PRKCA: variants seen among roughly 807,000 people sequenced by gnomAD.
The protein encoded by PRKCA is protein kinase C alpha type.
A neutral mutation model predicts 87.0 loss-of-function variants in PRKCA; 27 were observed. The observed-to-expected ratio is 0.31, with a 90% CI of 0.23 to 0.43. The LOEUF (loss-of-function observed/expected upper bound fraction) is 0.43, where lower values mean the gene tolerates loss of function less well. PRKCA is among the 20% of genes least tolerant of loss of function. The pLI is 1.00. For missense variants in PRKCA, 518 were observed against 852.3 expected, an observed-to-expected ratio of 0.61 and a Z score of 4.88; for synonymous variants, 329 against 311.1, an observed-to-expected ratio of 1.06 and a Z score of -0.61.
intron 3 of PRKCA, among the ~76,000 whole-genome samples, chr17:66,537,881 C>G (rs891035254): frequency 1.3e-5 from 2 of 152,170 alleles, no homozygotes; most frequent in African/African-American, 2.4e-5. Flanking sequence ...TCTCGGCTCA[C>G]TGCAATCTCC....
intron 3 of PRKCA, among the ~76,000 whole-genome samples, chr17:66,530,767 C>T (rs571901771): frequency 2.6e-4 from 39 of 152,306 alleles, no homozygotes; most frequent in Middle Eastern, 6.8e-3. Flanking sequence ...GGTTTCTGCG[C>T]AGTGCCCCTG....
chr17:66,713,930 C>G, intron 8 of PRKCA, among the ~76,000 whole-genome samples: 1 of 152,176 alleles, frequency 6.6e-6, no homozygotes, highest in East Asian at 1.9e-4. Context: ...AGGCAGGACA[C>G]AGCCATAGTC....
chr17:66,684,511 G>C (rs535289074), intron 5 of PRKCA, among the ~76,000 whole-genome samples: 10 of 152,312 alleles, frequency 6.6e-5, no homozygotes, highest in Admixed American at 4.6e-4. Context: ...GCTGTGATAA[G>C]AAATTGAAAT....
chr17:66,709,034 G>A (rs574110583), intron 8 of PRKCA, among the ~76,000 whole-genome samples: 4 of 152,254 alleles, frequency 2.6e-5, no homozygotes, highest in South Asian at 4.1e-4. Flanking sequence ...CTCATGATTT[G>A]ACTAGTTTCT....
chr17:66,380,490 A>T (rs1231473251), intron 2 of PRKCA, among the ~76,000 whole-genome samples: 1 of 152,246 alleles, frequency 6.6e-6, no homozygotes, highest in African/African-American at 2.4e-5. Context: ...TAAACTGCTT[A>T]CTGTTATTAA....
At position 66,803,781 on chromosome 17, in the gene PRKCA, G is replaced by A; in HGVS notation, c.1855-92G>A. On this transcript the variant is annotated intron_variant, in intron 16 of 16. Coordinates refer to ENST00000413366, the MANE Select transcript of PRKCA (RefSeq NM_002737.3). This position sits in a 1 kb window ranked among gnomAD's most constrained non-coding sequence, Gnocchi z 4.4. The stretch of plus-strand genomic sequence containing the variant: ...TCCTAACCAGCCCGGAGTTCCCCAG[G>A]GCCGTGCCCCTCCCCAGAGAGGGCC... 2 of 1,537,290 alleles carry A rather than the reference G, an allele frequency of 1.3e-6. No individual in the cohort carries two copies. The highest frequency in any genetic ancestry group is 1.8e-6 in the Non-Finnish European group (2 of 1,137,958).
At chr17:66,788,567 GT>G (rs1975456790) in intron 15 of PRKCA, among the ~76,000 whole-genome samples, 1 of 152,004 alleles carries the variant, frequency 6.6e-6, no homozygotes, top group South Asian at 2.1e-4. Flanking sequence ...TGAGATGTCT[GT>G]TTAAATTCTT....
chr17:66,354,054 CA>C (rs1166309782), intron 2 of PRKCA, among the ~76,000 whole-genome samples: 1 of 152,170 alleles, frequency 6.6e-6, no homozygotes, highest in Middle Eastern at 3.2e-3. Flanking sequence ...CAGATTCCTT[CA>C]AATAAGTTTG....
chr17:66,456,742 C>A (rs1280930098), intron 2 of PRKCA, among the ~76,000 whole-genome samples: 2 of 152,184 alleles, frequency 1.3e-5, no homozygotes, highest in South Asian at 4.1e-4. Flanking sequence ...ACTGGCTTCC[C>A]AGATGGTGTC....
intron 2 of PRKCA, among the ~76,000 whole-genome samples, chr17:66,407,548 T>A (rs1911489437): frequency 6.6e-6 from 1 of 152,200 alleles, no homozygotes; most frequent in Non-Finnish European, 1.5e-5. Flanking sequence ...CACAGGTATT[T>A]CTTTACAGCA....
chr17:66,303,627 A>C (rs1346232756), intron 1 of PRKCA, among the ~76,000 whole-genome samples: 1 of 152,062 alleles, frequency 6.6e-6, no homozygotes. Flanking sequence ...AGAGAGAGAG[A>C]GAGCAAACTG....
chr17:66,331,821 C>T (rs910895892), intron 2 of PRKCA, among the ~76,000 whole-genome samples: 1 of 152,184 alleles, frequency 6.6e-6, no homozygotes, highest in African/African-American at 2.4e-5. Flanking sequence ...TCTGTATTAT[C>T]TTTGTTTCTG....
At chr17:66,781,321 G>A (rs749332856) in intron 14 of PRKCA, among the ~76,000 whole-genome samples, 6 of 152,258 alleles carry the variant, frequency 3.9e-5, no homozygotes, top group South Asian at 2.1e-4. Flanking sequence ...GGCTGGAAGC[G>A]CAGGTACAAG....
At chr17:66,352,625 G>A (rs113343806) in intron 2 of PRKCA, among the ~76,000 whole-genome samples, 11 of 145,170 alleles carry the variant, frequency 7.6e-5, no homozygotes, top group African/African-American at 1.8e-4. Flanking sequence ...GTGCAGTGGC[G>A]CAATCTCAGC....
At chr17:66,496,363 G>C (rs1179384482) in intron 3 of PRKCA, 80 bp downstream of exon 3, 1 of 1,232,016 alleles carries the variant, frequency 8.1e-7, no homozygotes, top group Non-Finnish European at 1.2e-6. Context: ...GCAACTGTTA[G>C]TTTTGGCACT....
intron 2 of PRKCA, among the ~76,000 whole-genome samples, chr17:66,469,095 G>A (rs1023216071): frequency 2.0e-5 from 3 of 152,194 alleles, no homozygotes; most frequent in Admixed American, 1.3e-4. Flanking sequence ...AAATGCAAAC[G>A]AGGCTCCATG....
chr17:66,412,657 G>C (rs1377061755), intron 2 of PRKCA: 1 of 152,180 alleles, frequency 6.6e-6, no homozygotes, highest in Non-Finnish European at 1.5e-5. Context: ...TCCTTCCTTT[G>C]TGAATTTCCC....
intron 5 of PRKCA, among the ~76,000 whole-genome samples, chr17:66,685,778 C>T (rs757814656): frequency 2.6e-5 from 4 of 152,226 alleles, no homozygotes; most frequent in Non-Finnish European, 4.4e-5. Flanking sequence ...AACTCCAGTG[C>T]CTTCTTCTCA....
At chr17:66,746,046 C>G (rs1047863091) in intron 13 of PRKCA, among the ~76,000 whole-genome samples, 1 of 151,632 alleles carries the variant, frequency 6.6e-6, no homozygotes, top group Non-Finnish European at 1.5e-5. Flanking sequence ...TACTGACCAG[C>G]AGGAATGAAA....
Sources: gnomAD v4.1 joint callset for allele counts (sites outside exome capture counted in the v4.1 genomes callset) on GRCh38, gnomAD v4.1.1 for gene constraint, Gnocchi (gnomAD v3.1) non-coding constraint, MANE v1.5 for transcripts, NCBI Gene and HGNC (gene_info 2026-07-23, HGNC 2026-07-21) for gene names.